Variants in DNAJB6 observed in about 807,000 individuals in gnomAD.
DNAJB6 encodes dnaJ homolog subfamily B member 6.
In DNAJB6, 16 loss-of-function variants were observed where a neutral mutation model predicts 42.7. The observed-to-expected ratio is 0.37, with a 90% CI of 0.25 to 0.57. DNAJB6 has a LOEUF of 0.57. DNAJB6 is among the 20% of genes least tolerant of loss of function. The probability of loss-of-function intolerance (pLI) is 0.74; values close to 1 mark genes in which losing one functional copy is unlikely to be tolerated. For missense variants in DNAJB6, 347 were observed against 416.8 expected, an observed-to-expected ratio of 0.83 and a Z score of 1.46; for synonymous variants, 170 against 163.5, an observed-to-expected ratio of 1.04 and a Z score of -0.30.
chr7:157,404,613 C>T lies in DNAJB6; in HGVS notation c.692-5182C>T, dbSNP rs1474410673. Among the ~76,000 whole-genome samples the T allele has an allele frequency of 2.0e-5, 3 of 151,094 alleles. No homozygotes were observed. The East Asian group carries it at 5.9e-4, about 29-fold the overall frequency. On this transcript the variant is annotated intron_variant, in intron 8 of 9. Coordinates refer to ENST00000262177, the MANE Select transcript of DNAJB6 (RefSeq NM_058246.4). ...GCAACCTCTGCCTCCCAGGCTCAAG[C>T]GATTCTTATGCTTGAGCCTCCCGAG... is the stretch of plus-strand genomic sequence containing the variant.
chr7:157,399,373 G>A (rs1036892241), intron 8 of DNAJB6, among the ~76,000 whole-genome samples: 3 of 152,204 alleles, frequency 2.0e-5, no homozygotes, highest in South Asian at 4.1e-4. Context: ...AGCCCTGACC[G>A]CATCAGGACA....
chr7:157,413,596 C>G (rs979576825), intron 9 of DNAJB6: 1 of 152,094 alleles, frequency 6.6e-6, no homozygotes, highest in African/African-American at 2.4e-5. Context: ...GGACTGTGCC[C>G]AAGGCTGGCG....
intron 1 of DNAJB6, among the ~76,000 whole-genome samples, chr7:157,338,818 G>A (rs992424291): frequency 4.6e-5 from 7 of 152,206 alleles, no homozygotes; most frequent in Non-Finnish European, 8.8e-5. Context: ...GTTGGTAGAT[G>A]TGGAGATTTG....
intron 8 of DNAJB6, among the ~76,000 whole-genome samples, chr7:157,393,621 G>A (rs1349757303): frequency 6.6e-6 from 1 of 152,192 alleles, no homozygotes; most frequent in East Asian, 1.9e-4. Flanking sequence ...ACCAGGTTCA[G>A]CTGCCTGTGA....
chr7:157,394,701 C>G (rs1801500468), intron 8 of DNAJB6, among the ~76,000 whole-genome samples: 1 of 152,174 alleles, frequency 6.6e-6, no homozygotes, highest in Non-Finnish European at 1.5e-5. Flanking sequence ...ATTTGCCCAT[C>G]ATGAGTACAT....
intron 8 of DNAJB6, among the ~76,000 whole-genome samples, chr7:157,406,825 C>T (rs1156639681): frequency 6.6e-6 from 1 of 152,254 alleles, no homozygotes; most frequent in Non-Finnish European, 1.5e-5. Context: ...AAATATCAGT[C>T]TTAAGTCTCA....
intron 1 of DNAJB6, among the ~76,000 whole-genome samples, chr7:157,353,935 A>G (rs1799141758): frequency 6.6e-6 from 1 of 152,102 alleles, no homozygotes; most frequent in Admixed American, 6.6e-5. Context: ...AAGTGCTGGA[A>G]TTATAGGAGT....
chr7:157,397,248 C>T (rs76230906), intron 8 of DNAJB6, among the ~76,000 whole-genome samples: 2,706 of 152,330 alleles, frequency 0.018, 78 homozygotes, highest in East Asian at 0.059. Context: ...CAGCATGTGG[C>T]CTCCACCTCA....
intron 3 of DNAJB6, among the ~76,000 whole-genome samples, chr7:157,365,640 G>T (rs1431879554): frequency 2.6e-5 from 4 of 152,168 alleles, no homozygotes; most frequent in East Asian, 1.9e-4. Context: ...TAGAGTGAAA[G>T]AAACGATCTA....
intron 1 of DNAJB6, among the ~76,000 whole-genome samples, chr7:157,356,131 C>T (rs547681951): frequency 3.3e-5 from 5 of 152,360 alleles, no homozygotes; most frequent in East Asian, 1.9e-4. Context: ...AGATGTCTGG[C>T]ATGGGGAGAC....
At chr7:157,390,188 G>A (rs1293982752) in intron 8 of DNAJB6, among the ~76,000 whole-genome samples, 3 of 152,332 alleles carry the variant, frequency 2.0e-5, no homozygotes, top group African/African-American at 7.2e-5. Flanking sequence ...TGCCTGGAGT[G>A]TAGAGCAGAG....
chr7:157,369,729 CATT>C (rs1389395260), intron 5 of DNAJB6, among the ~76,000 whole-genome samples: 1 of 141,324 alleles, frequency 7.1e-6, no homozygotes, highest in Non-Finnish European at 1.5e-5. Flanking sequence ...CCCTTCTTCA[CATT>C]ATTATTAAAC....
At position 157,345,405 on chromosome 7, in the gene DNAJB6, C is replaced by G. The variant is rs145992387; in HGVS notation, c.-27+8261C>G. On this transcript the variant is annotated intron_variant, in intron 1 of 9. Coordinates refer to ENST00000262177, the MANE Select transcript of DNAJB6 (RefSeq NM_058246.4). ...ACATGGCTCACAGCATCCTTGATCTCTTGCGCTCAAGTGATCCTGCCATTT... is the reference window on the plus strand; with the variant it reads ...ACATGGCTCACAGCATCCTTGATCTGTTGCGCTCAAGTGATCCTGCCATTT... Among the ~76,000 whole-genome samples, 211 of 152,250 alleles carry G rather than the reference C, an allele frequency of 1.4e-3. 1 individual carries two copies. The highest frequency in any genetic ancestry group is 9.3e-3 in the East Asian group (48 of 5,178).
At chr7:157,396,475 C>T (rs1231326295) in intron 8 of DNAJB6, among the ~76,000 whole-genome samples, 1 of 152,204 alleles carries the variant, frequency 6.6e-6, no homozygotes, top group Non-Finnish European at 1.5e-5. Flanking sequence ...TCTCTGCCTC[C>T]AGCAAAGCCC....
intron 6 of DNAJB6, 176 bp downstream of exon 6, chr7:157,382,553 T>A: frequency 2.3e-6 from 1 of 439,156 alleles, no homozygotes; most frequent in Non-Finnish European, 3.8e-6. Flanking sequence ...CATTTTCTCC[T>A]AATCTTCCTA....
At chr7:157,343,760 G>A (rs530957214) in intron 1 of DNAJB6, among the ~76,000 whole-genome samples, 1 of 152,216 alleles carries the variant, frequency 6.6e-6, no homozygotes, top group South Asian at 2.1e-4. Flanking sequence ...TTTATGTGAC[G>A]TGTTTTTTTA....
At chr7:157,338,931 C>G (rs1229773617) in intron 1 of DNAJB6, among the ~76,000 whole-genome samples, 3 of 152,104 alleles carry the variant, frequency 2.0e-5, no homozygotes, top group African/African-American at 7.2e-5. Context: ...GAGGGCAGAG[C>G]TCTTAAAGAA....
chr7:157,404,494 T>G, intron 8 of DNAJB6, among the ~76,000 whole-genome samples: 2 of 125,522 alleles, frequency 1.6e-5, no homozygotes, highest in African/African-American at 3.2e-5. Context: ...TTGATAGAGA[T>G]GGGGTCTGTC....
At chr7:157,369,580 C>T (rs1313823380) in intron 5 of DNAJB6, 9 of 323,956 alleles carry the variant, frequency 2.8e-5, no homozygotes, top group African/African-American at 6.6e-5. Flanking sequence ...TTAAACAGGC[C>T]GTTTCTCAAC....
Sources: gnomAD v4.1 joint callset for allele counts (sites outside exome capture counted in the v4.1 genomes callset) on GRCh38, gnomAD v4.1.1 for gene constraint, MANE v1.5 for transcripts, NCBI Gene and HGNC (gene_info 2026-07-23, HGNC 2026-07-21) for gene names.